SRPK1: variants seen among roughly 807,000 people sequenced by gnomAD.
The protein encoded by SRPK1 is SRSF protein kinase 1.
A neutral mutation model predicts 89.5 loss-of-function variants in SRPK1; 52 were observed. That is an observed-to-expected ratio of 0.58 (90% confidence interval 0.46 to 0.73). The LOEUF (loss-of-function observed/expected upper bound fraction) is 0.73. Ranked by LOEUF, SRPK1 falls within the 30% of genes least tolerant of loss-of-function variation. The pLI is 0.00. For synonymous variants in SRPK1, 255 were observed against 270.2 expected (o/e 0.94, Z 0.55); for missense variants, 603 against 780.6 (o/e 0.77, Z 2.71).
intron 13 of SRPK1, among the ~76,000 whole-genome samples, chr6:35,853,880 G>A (rs988689116): frequency 4.3e-5 from 6 of 140,762 alleles, no homozygotes; most frequent in East Asian, 2.0e-4. Flanking sequence ...TCCAGCATTC[G>A]GAGATTGTTT....
At chr6:35,888,148 C>T (rs760897068) in intron 4 of SRPK1, 37 bp from the exon 5 acceptor site, 27 of 1,399,102 alleles carry the variant, frequency 1.9e-5, no homozygotes, top group Non-Finnish European at 2.6e-5. Flanking sequence ...ACTACATAGC[C>T]TACCCTTACT....
At chr6:35,843,114 GCC>G (rs1469644126) in intron 13 of SRPK1, among the ~76,000 whole-genome samples, 1 of 151,464 alleles carries the variant, frequency 6.6e-6, no homozygotes, top group Admixed American at 6.6e-5. Flanking sequence ...GACTACAGGT[GCC>G]CACCACCACG....
In SRPK1 at chr6:35,870,397, A is replaced by G. The variant is rs1012306050; in HGVS notation, c.875T>C (p.Met292Thr). 6.3e-7 allele frequency: 1 copy of G among 1,586,142 alleles called. No homozygotes were observed. Among genetic ancestry groups the G allele is most frequent in the Non-Finnish European group, 8.6e-7 (1 of 1,164,678 alleles). ...TTGCCCAGGGCCCGACTCTTTCTCCATTTCCTCAATTTCCTGCATTCGCTT... is the reference window on the plus strand; with the variant it reads ...TTGCCCAGGGCCCGACTCTTTCTCCGTTTCCTCAATTTCCTGCATTCGCTT... ...LEKRMQEIEE[M>T]EKESGPGQKR... is the part of the protein sequence containing the mutation. Residue 292 changes from methionine (M) to threonine (T), a missense_variant, in exon 10 of 16, where the codon ATG (methionine) becomes ACG (threonine). Transcript: ENST00000373825.
In SRPK1 at chr6:35,903,006, T is replaced by C. The variant is rs564672963; in HGVS notation, c.75-11993A>G. Among the ~76,000 whole-genome samples, 7 of 152,060 alleles carry C rather than the reference T, an allele frequency of 4.6e-5. No individual in the cohort carries two copies. The East Asian group carries it at 1.4e-3, about 30-fold the overall frequency. On this transcript the variant is annotated intron_variant, in intron 2 of 15. Coordinates refer to ENST00000373825, the MANE Select transcript of SRPK1 (RefSeq NM_003137.5). ...AATTAAAGGCAAAGTGGGCCAGACA[T>C]GGTGACTCACACCTATAATCCCAGC...
intron 2 of SRPK1, among the ~76,000 whole-genome samples, chr6:35,901,513 T>C (rs1235896622): frequency 6.6e-6 from 1 of 152,176 alleles, no homozygotes; most frequent in Non-Finnish European, 1.5e-5. Context: ...AGATAATAAA[T>C]TTCTGTTGTT....
intron 6 of SRPK1, among the ~76,000 whole-genome samples, chr6:35,884,416 C>T (rs1770361502): frequency 6.6e-6 from 1 of 152,130 alleles, no homozygotes; most frequent in African/African-American, 2.4e-5. Context: ...GAGAAAAAAA[C>T]GCCTGAACAA....
chr6:35,893,573 T>A (rs1770565960), intron 2 of SRPK1, among the ~76,000 whole-genome samples: 1 of 152,024 alleles, frequency 6.6e-6, no homozygotes, highest in Non-Finnish European at 1.5e-5. Flanking sequence ...CTGGTATTTA[T>A]CTTGCAGGGG....
chr6:35,844,585 G>A (rs1769388096), intron 13 of SRPK1, among the ~76,000 whole-genome samples: 2 of 152,142 alleles, frequency 1.3e-5, no homozygotes, highest in Admixed American at 1.3e-4. Context: ...TTCAGGATAG[G>A]TTTAGGAATC....
intron 14 of SRPK1, chr6:35,838,819 G>C: frequency 7.3e-7 from 1 of 1,368,776 alleles, no homozygotes; most frequent in Non-Finnish European, 9.8e-7. Flanking sequence ...AGGGTAAGAA[G>C]AACAGATCAA....
chr6:35,908,042 C>T (rs1770887346), intron 2 of SRPK1, among the ~76,000 whole-genome samples: 4 of 152,168 alleles, frequency 2.6e-5, no homozygotes, highest in Non-Finnish European at 5.9e-5. Flanking sequence ...TTCCTGAGCC[C>T]TCGTTATGCT....
At chr6:35,912,734 A>C (rs1770997270) in intron 2 of SRPK1, among the ~76,000 whole-genome samples, 1 of 152,248 alleles carries the variant, frequency 6.6e-6, no homozygotes, top group Admixed American at 6.5e-5. Context: ...AAACCCCACA[A>C]AAAAGTGCCA....
intron 2 of SRPK1, among the ~76,000 whole-genome samples, chr6:35,919,059 C>A (rs139375113): frequency 2.0e-5 from 3 of 152,168 alleles, no homozygotes; most frequent in Non-Finnish European, 4.4e-5. Flanking sequence ...AAACTAGGCA[C>A]AGAAAAGTAA....
At chr6:35,865,740 T>C (rs764045436) in intron 12 of SRPK1, among the ~76,000 whole-genome samples, 5 of 152,148 alleles carry the variant, frequency 3.3e-5, no homozygotes, top group East Asian at 1.9e-4. Context: ...TGGACTGCCA[T>C]ATGCAGACGA....
At chr6:35,836,303 T>C (rs943205837) in intron 15 of SRPK1, among the ~76,000 whole-genome samples, 3 of 151,172 alleles carry the variant, frequency 2.0e-5, no homozygotes, top group Non-Finnish European at 4.4e-5. Flanking sequence ...CCCCCATCCA[T>C]TGAAAAACTG....
chr6:35,911,325 G>C (rs1323389559), intron 2 of SRPK1, among the ~76,000 whole-genome samples: 1 of 152,110 alleles, frequency 6.6e-6, no homozygotes, highest in African/African-American at 2.4e-5. Context: ...AACAGCAAGA[G>C]GACTAGAATT....
chr6:35,848,017 G>A (rs1769461714), intron 13 of SRPK1, among the ~76,000 whole-genome samples: 2 of 151,904 alleles, frequency 1.3e-5, no homozygotes, highest in African/African-American at 4.8e-5. Flanking sequence ...ATTTTGCCAT[G>A]TTGCCCAGGC....
intron 2 of SRPK1, 76 bp from the exon 3 acceptor site, chr6:35,891,089 C>CA: frequency 6.8e-7 from 1 of 1,467,872 alleles, no homozygotes; most frequent in Non-Finnish European, 9.0e-7. Context: ...GCCCTCCCCA[C>CA]AAAAAACTAA....
At chr6:35,878,702 G>C (rs530935076) in intron 6 of SRPK1, among the ~76,000 whole-genome samples, 4 of 152,214 alleles carry the variant, frequency 2.6e-5, no homozygotes, top group Admixed American at 2.0e-4. Flanking sequence ...CCCTCTTCTG[G>C]CTCAAGTGAT....
At chr6:35,878,557 C>T (rs1770207364) in intron 6 of SRPK1, among the ~76,000 whole-genome samples, 1 of 152,258 alleles carries the variant, frequency 6.6e-6, no homozygotes, top group Middle Eastern at 3.4e-3. Flanking sequence ...AGCACAGTGG[C>T]AACCACCTAT....
Sources: gnomAD v4.1 joint callset for allele counts (sites outside exome capture counted in the v4.1 genomes callset) on GRCh38, gnomAD v4.1.1 for gene constraint, MANE v1.5 for transcripts, NCBI Gene and HGNC (gene_info 2026-07-23, HGNC 2026-07-21) for gene names.